PROS1: variants seen among roughly 807,000 people sequenced by gnomAD.
PROS1 encodes the protein vitamin K-dependent protein S.
Under a neutral mutation model 75.9 loss-of-function variants are expected in PROS1, and 29 were observed. The ratio of observed to expected loss-of-function variants is 0.38; its 90% CI spans 0.28 to 0.52. The LOEUF is 0.52. PROS1 is among the 20% of genes least tolerant of loss of function. The probability of loss-of-function intolerance (pLI) is 0.83; values close to 1 mark genes in which losing one functional copy is unlikely to be tolerated. For synonymous variants in PROS1, 245 were observed against 280.6 expected (o/e 0.87, Z 1.27); for missense variants, 680 against 810.3 (o/e 0.84, Z 1.95).
intron 1 of PROS1, among the ~76,000 whole-genome samples, chr3:93,936,001 GT>G (rs1012352107): frequency 4.0e-4 from 58 of 143,462 alleles, no homozygotes; most frequent in South Asian, 8.9e-4. Flanking sequence ...AAAAACTACT[GT>G]TTTTTTTTTC....
At chr3:93,876,865 A>C (rs1428814889) in intron 14 of PROS1, 101 bp downstream of exon 14, 6 of 776,046 alleles carry the variant, frequency 7.7e-6, no homozygotes, top group Non-Finnish European at 1.2e-5. Context: ...ACTGGATTTT[A>C]TGTTCCCTTC....
At chr3:93,972,780 C>T (rs1354168752) in intron 1 of PROS1, among the ~76,000 whole-genome samples, 3 of 151,924 alleles carry the variant, frequency 2.0e-5, no homozygotes, top group African/African-American at 4.8e-5. Context: ...AGCCGGGGGG[C>T]GGAGGTTGCA....
intron 8 of PROS1, among the ~76,000 whole-genome samples, chr3:93,897,263 T>C (rs1008021511): frequency 6.6e-6 from 1 of 152,110 alleles, no homozygotes; most frequent in Non-Finnish European, 1.5e-5. Flanking sequence ...ACAAGAACAT[T>C]ATTTAAAGTC....
intron 1 of PROS1, among the ~76,000 whole-genome samples, chr3:93,935,643 G>C (rs1709171303): frequency 6.6e-6 from 1 of 152,124 alleles, no homozygotes; most frequent in African/African-American, 2.4e-5. Flanking sequence ...AAGGATTTCA[G>C]ATATCAATGG....
intron 1 of PROS1, among the ~76,000 whole-genome samples, chr3:93,970,653 A>T (rs1709865075): frequency 6.6e-6 from 1 of 151,978 alleles, no homozygotes. Context: ...GACAGTATAT[A>T]TGTTAAATAT....
rs368970409 is a variant in PROS1 at position 93,917,675 on chromosome 3, C to A, written c.259+6565G>T. Among the ~76,000 whole-genome samples the A allele has an allele frequency of 2.3e-3, 353 of 152,282 alleles. 2 individuals are homozygous for A. The highest frequency in any genetic ancestry group is 6.4e-3 in the Admixed American group (98 of 15,308). Reference sequence around the variant, plus strand: ...TGGGCGTGGGCTTGGCGGGCCGGCACTCGGAGCAGCCGGCCGGCCCTGCCA... The same window carrying A: ...TGGGCGTGGGCTTGGCGGGCCGGCAATCGGAGCAGCCGGCCGGCCCTGCCA... On this transcript the variant is annotated intron_variant, in intron 3 of 14. Coordinates refer to ENST00000394236, the MANE Select transcript of PROS1 (RefSeq NM_000313.4).
At chr3:93,877,868 G>T (rs1708214809) in intron 13 of PROS1, among the ~76,000 whole-genome samples, 1 of 152,124 alleles carries the variant, frequency 6.6e-6, no homozygotes, top group Admixed American at 6.6e-5. Flanking sequence ...AACATAATCA[G>T]AAATGTTTAT....
chr3:93,940,866 A>T (rs922621950), intron 1 of PROS1, among the ~76,000 whole-genome samples: 1 of 152,138 alleles, frequency 6.6e-6, no homozygotes, highest in African/African-American at 2.4e-5. Context: ...ACCTATTCAA[A>T]AACCAGACAA....
rs146884114 is a variant in PROS1, at chr3:93,909,153, T to C, written c.346+1466A>G. Among the ~76,000 whole-genome samples, 41 of 152,228 alleles carry C rather than the reference T, an allele frequency of 2.7e-4. No individual in the cohort carries two copies. The East Asian group carries it at 7.9e-3, about 29-fold the overall frequency. On this transcript the variant is annotated intron_variant, in intron 4 of 14. Transcript: ENST00000394236. ...AAGAGCAATATTAAGAAGTACAAAGTAGGGCCTGGAATGGTGTTTCATGCC... is the reference window on the plus strand; with the variant it reads ...AAGAGCAATATTAAGAAGTACAAAGCAGGGCCTGGAATGGTGTTTCATGCC...
intron 1 of PROS1, chr3:93,958,429 A>T (rs1361540956): frequency 3.3e-5 from 5 of 152,252 alleles, no homozygotes; most frequent in Admixed American, 6.5e-5. Flanking sequence ...ATTTGATAAA[A>T]TTCCAACATC....
At chr3:93,951,977 G>C (rs1400171852) in intron 1 of PROS1, among the ~76,000 whole-genome samples, 1 of 152,118 alleles carries the variant, frequency 6.6e-6, no homozygotes, top group Admixed American at 6.6e-5. Flanking sequence ...GATCAAAAGA[G>C]ACAAAGAAGT....
intron 14 of PROS1, among the ~76,000 whole-genome samples, chr3:93,874,816 T>A (rs929353155): frequency 1.2e-4 from 18 of 152,148 alleles, no homozygotes; most frequent in African/African-American, 4.3e-4. Context: ...CTTTTAAATG[T>A]CATGATCAAT....
intron 1 of PROS1, among the ~76,000 whole-genome samples, chr3:93,948,345 T>A (rs115990444): frequency 4.1e-4 from 62 of 151,858 alleles, no homozygotes; most frequent in African/African-American, 1.2e-3. Context: ...AAATAAGAAG[T>A]TATAAGTGCA....
At chr3:93,967,697 G>C (rs1255438081) in intron 1 of PROS1, among the ~76,000 whole-genome samples, 1 of 152,108 alleles carries the variant, frequency 6.6e-6, no homozygotes, top group Admixed American at 6.5e-5. Flanking sequence ...ATCAGCCTGG[G>C]AAACATAGCA....
At chr3:93,937,972 G>A (rs1329798889) in intron 1 of PROS1, among the ~76,000 whole-genome samples, 2 of 152,140 alleles carry the variant, frequency 1.3e-5, no homozygotes, top group Non-Finnish European at 2.9e-5. Flanking sequence ...GGTGGGAGAA[G>A]GCAACTAGAA....
intron 2 of PROS1, among the ~76,000 whole-genome samples, chr3:93,924,904 A>C (rs536174790): frequency 6.6e-6 from 1 of 152,092 alleles, no homozygotes; most frequent in Non-Finnish European, 1.5e-5. Context: ...CCTGGGCTCA[A>C]GCGATCCTCC....
chr3:93,962,790 A>G (rs184756901), intron 1 of PROS1, among the ~76,000 whole-genome samples: 2 of 152,334 alleles, frequency 1.3e-5, no homozygotes, highest in East Asian at 3.9e-4. Context: ...GTCATGTTGG[A>G]ACATTCCTGC....
chr3:93,939,365 G>A (rs546434724), intron 1 of PROS1, among the ~76,000 whole-genome samples: 40 of 151,972 alleles, frequency 2.6e-4, no homozygotes, highest in African/African-American at 8.0e-4. Flanking sequence ...AACCCCAAGC[G>A]TCACTGAGTC....
intron 1 of PROS1, among the ~76,000 whole-genome samples, chr3:93,928,533 C>CAA (rs200106525): frequency 3.8e-4 from 18 of 47,610 alleles, no homozygotes; most frequent in Admixed American, 9.6e-4. Context: ...GACTCTGTCT[C>CAA]AAAAAAAAAA....
Sources: allele counts gnomAD v4.1 joint callset (sites outside exome capture counted in the v4.1 genomes callset), GRCh38; gene constraint gnomAD v4.1.1; transcripts MANE v1.5; gene names NCBI Gene and HGNC (gene_info 2026-07-23, HGNC 2026-07-21).